The following FLI1 variants were observed in gnomAD, a reference collection of about 807,000 sequenced individuals.
The protein encoded by FLI1 is Fli-1 proto-oncogene, ETS transcription factor.
FLI1 carries 13 observed loss-of-function variants against 53.1 expected under a neutral mutation model. The observed-to-expected ratio is 0.24, with a 90% CI of 0.16 to 0.39. FLI1 has a LOEUF of 0.39. Among genes scored for constraint, FLI1 ranks in the 10% least tolerant of loss-of-function variants. The probability of loss-of-function intolerance (pLI) is 1.00; values close to 1 mark genes in which losing one functional copy is unlikely to be tolerated. For synonymous variants in FLI1, 244 were observed against 236.7 expected (o/e 1.03, Z -0.28); for missense variants, 424 against 600.5 (o/e 0.71, Z 3.07).
chr11:128,697,874 C>T (rs1042656915), intron 1 of FLI1, among the ~76,000 whole-genome samples: 2 of 152,156 alleles, frequency 1.3e-5, no homozygotes, highest in African/African-American at 4.8e-5. Flanking sequence ...AGGGAGCTGA[C>T]ACATACAGAG....
intron 1 of FLI1, among the ~76,000 whole-genome samples, chr11:128,702,277 T>A (rs905888524): frequency 6.6e-6 from 1 of 152,260 alleles, no homozygotes; most frequent in Non-Finnish European, 1.5e-5. Flanking sequence ...CTATGCTATT[T>A]CTTCCAGGCT....
intron 1 of FLI1, among the ~76,000 whole-genome samples, chr11:128,750,674 C>A (rs777443283): frequency 6.6e-6 from 1 of 152,148 alleles, no homozygotes; most frequent in African/African-American, 2.4e-5. Flanking sequence ...TCGTTCATAT[C>A]GGCCAGGCCA....
At chr11:128,707,655 C>T (rs1364910598) in intron 1 of FLI1, among the ~76,000 whole-genome samples, 6 of 152,186 alleles carry the variant, frequency 3.9e-5, no homozygotes, top group Middle Eastern at 3.2e-3. Context: ...CCCTCCCTGC[C>T]TTCTTGGAGT....
chr11:128,693,571 G>C (rs1006622811), upstream of FLI1, among the ~76,000 whole-genome samples: 1 of 151,620 alleles, frequency 6.6e-6, no homozygotes, highest in Non-Finnish European at 1.5e-5. Flanking sequence ...ATTAATGAAC[G>C]TATCTGTGGG....
At chr11:128,724,072 A>T (rs974633504) in intron 1 of FLI1, among the ~76,000 whole-genome samples, 4 of 150,272 alleles carry the variant, frequency 2.7e-5, no homozygotes, top group African/African-American at 9.8e-5. Context: ...CCTCCTGAGT[A>T]GCTGGGATTA....
chr11:128,709,253 C>A (rs1476593729), intron 1 of FLI1, among the ~76,000 whole-genome samples: 1 of 152,174 alleles, frequency 6.6e-6, no homozygotes, highest in Non-Finnish European at 1.5e-5. Context: ...GAAGTAAAAG[C>A]ACTTTGTAAT....
chr11:128,731,613 A>G (rs547738210), intron 1 of FLI1, among the ~76,000 whole-genome samples: 1 of 152,358 alleles, frequency 6.6e-6, no homozygotes, highest in African/African-American at 2.4e-5. Flanking sequence ...ATCATTTGGC[A>G]AAACCCAAAG....
intron 1 of FLI1, among the ~76,000 whole-genome samples, chr11:128,754,260 T>C (rs1940773646): frequency 6.6e-6 from 1 of 151,994 alleles, no homozygotes; most frequent in African/African-American, 2.4e-5. Context: ...TGTGTGTGTG[T>C]GTGTGTGTGT....
chr11:128,771,716 A>G (rs1214958929), intron 3 of FLI1, among the ~76,000 whole-genome samples: 1 of 152,148 alleles, frequency 6.6e-6, no homozygotes, highest in Non-Finnish European at 1.5e-5. Context: ...CTCCTCCCCC[A>G]GGAAGTCTTC....
rs577653825 is a variant in FLI1, at chr11:128,812,187, G to A, written c.*1199G>A. ...TAGATCTTTAATGCTTTGGAAATGC[G>A]TGTAACAGTACTGCAATAATCACAG... is the stretch of plus-strand genomic sequence containing the variant. On this transcript the variant is annotated 3_prime_UTR_variant, in exon 9 of 9. Transcript: ENST00000527786. 151 of 217,882 alleles carry A rather than the reference G, an allele frequency of 6.9e-4. No individual in the cohort carries two copies. The highest frequency in any genetic ancestry group is 1.0e-3 in the Non-Finnish European group (110 of 108,226). 13.5% of individuals were successfully genotyped at this position (217,882 alleles called of 1,614,324 possible).
chr11:128,703,866 A>AC (rs1303123533), intron 1 of FLI1, among the ~76,000 whole-genome samples: 8 of 150,120 alleles, frequency 5.3e-5, no homozygotes, highest in African/African-American at 2.0e-4. Flanking sequence ...AAAAAAAACA[A>AC]ACGTTAAGAG....
chr11:128,750,186 T>G (rs1208752761), intron 1 of FLI1, among the ~76,000 whole-genome samples: 2 of 151,828 alleles, frequency 1.3e-5, no homozygotes, highest in Non-Finnish European at 2.9e-5. Context: ...AGCGGCGGAG[T>G]GGGCCCACTG....
intron 5 of FLI1, among the ~76,000 whole-genome samples, chr11:128,798,595 T>C (rs1692831770): frequency 6.6e-6 from 1 of 152,178 alleles, no homozygotes; most frequent in African/African-American, 2.4e-5. Context: ...AGAGGGGCTG[T>C]TGGATTCCAG....
At chr11:128,766,426 T>A (rs768916322) in intron 2 of FLI1, among the ~76,000 whole-genome samples, 1 of 152,160 alleles carries the variant, frequency 6.6e-6, no homozygotes, top group Non-Finnish European at 1.5e-5. Flanking sequence ...GAGTTATACA[T>A]CTTATTTTCA....
chr11:128,765,161 C>T (rs1049427925), intron 2 of FLI1, among the ~76,000 whole-genome samples: 2 of 152,172 alleles, frequency 1.3e-5, no homozygotes, highest in Admixed American at 6.5e-5. Context: ...AGCAAGAGAG[C>T]CCCCTCCTCC....
At chr11:128,744,245 C>T (rs925277185) in intron 1 of FLI1, among the ~76,000 whole-genome samples, 1 of 152,168 alleles carries the variant, frequency 6.6e-6, no homozygotes, top group Non-Finnish European at 1.5e-5. Flanking sequence ...CCTGGAACAA[C>T]AGCATAAAGC....
At chr11:128,717,598 T>C (rs1939072894) in intron 1 of FLI1, among the ~76,000 whole-genome samples, 1 of 152,132 alleles carries the variant, frequency 6.6e-6, no homozygotes, top group Admixed American at 6.5e-5. Flanking sequence ...TTTACTTCCC[T>C]TGCCAACCCA....
At position 128,810,637 on chromosome 11, in the gene FLI1, C is replaced by T. The variant is rs1942913642; in HGVS notation, c.1008C>T (p.Ser336=). Residue 336 remains serine, a synonymous_variant, in exon 9 of 9, where the codon AGC becomes AGT. Coordinates refer to ENST00000527786, the MANE Select transcript of FLI1 (RefSeq NM_002017.5). This position sits in a 1 kb window ranked among gnomAD's most constrained non-coding sequence, Gnocchi z 6.6. ...SKPNMNYDKL[S]RALRYYYDKN... ...CCAACATGAATTACGACAAGCTGAG[C>T]CGGGCCCTCCGTTATTACTATGATA... 1 of 1,613,964 alleles carries T rather than the reference C, an allele frequency of 6.2e-7. No homozygotes were observed.
In FLI1 at chr11:128,805,213, C is replaced by T. The variant is rs556457411; in HGVS notation, c.656-153C>T. 4 of 530,452 alleles carry T rather than the reference C, an allele frequency of 7.5e-6. No individual in the cohort carries two copies. In the Admixed American group the frequency reaches 1.5e-4, roughly 20 times the overall value. The allele number at this position is 530,452 out of a possible 1,614,324, so 32.9% of individuals were successfully genotyped here. On this transcript the variant is annotated intron_variant, in intron 5 of 8. Transcript: ENST00000527786. ...AAGTCAGAGTGTTAATATTCCAACC[C>T]CAGGGGGTGAGTACACTTCCAGAAT...
Sources: allele counts gnomAD v4.1 joint callset (sites outside exome capture counted in the v4.1 genomes callset), GRCh38; gene constraint gnomAD v4.1.1; non-coding constraint Gnocchi (gnomAD v3.1); transcripts MANE v1.5; gene names NCBI Gene and HGNC (gene_info 2026-07-23, HGNC 2026-07-21).